The following UNC5D variants were observed in gnomAD, a reference collection of about 807,000 sequenced individuals.
UNC5D encodes unc-5 netrin receptor D.
In UNC5D, 39 loss-of-function variants were observed where a neutral mutation model predicts 105.4. The ratio of observed to expected loss-of-function variants is 0.37; its 90% CI spans 0.29 to 0.48. The LOEUF (loss-of-function observed/expected upper bound fraction) is 0.48, where lower values mean the gene tolerates loss of function less well. Ranked by LOEUF, UNC5D falls within the 20% of genes least tolerant of loss-of-function variation. The pLI is 0.98. For missense variants in UNC5D, 991 were observed against 1,202.4 expected (o/e 0.82, Z 2.60); for synonymous variants, 452 against 450.4 (o/e 1.00, Z -0.04).
intron 1 of UNC5D, among the ~76,000 whole-genome samples, chr8:35,243,396 G>A (rs1802911461): frequency 6.6e-6 from 1 of 152,114 alleles, no homozygotes; most frequent in Admixed American, 6.6e-5. Context: ...TATTTTAAAA[G>A]TCTTGGATTT....
intron 4 of UNC5D, among the ~76,000 whole-genome samples, chr8:35,658,842 A>G (rs915818925): frequency 1.8e-4 from 27 of 152,176 alleles, no homozygotes; most frequent in African/African-American, 6.3e-4. Flanking sequence ...TTTTTAGTAG[A>G]GACGGGGTTT....
At chr8:35,376,717 C>A (rs568365703) in intron 1 of UNC5D, among the ~76,000 whole-genome samples, 1 of 152,174 alleles carries the variant, frequency 6.6e-6, no homozygotes, top group East Asian at 1.9e-4. Context: ...GGAATCTATT[C>A]AAAGCCTTCT....
chr8:35,364,593 C>G (rs1369951946), intron 1 of UNC5D, among the ~76,000 whole-genome samples: 1 of 152,016 alleles, frequency 6.6e-6, no homozygotes, highest in Non-Finnish European at 1.5e-5. Flanking sequence ...TATTGGAGTA[C>G]CATTGGTTTC....
chr8:35,608,946 T>G (rs1282457115), intron 4 of UNC5D, among the ~76,000 whole-genome samples: 3 of 152,190 alleles, frequency 2.0e-5, no homozygotes, highest in Non-Finnish European at 2.9e-5. Flanking sequence ...CAGGATCTAA[T>G]GGTAATTCTG....
chr8:35,372,936 C>T (rs1802504468), intron 1 of UNC5D, among the ~76,000 whole-genome samples: 1 of 152,132 alleles, frequency 6.6e-6, no homozygotes, highest in Non-Finnish European at 1.5e-5. Context: ...ATTCATATTT[C>T]CTTTGAGCAA....
intron 3 of UNC5D, among the ~76,000 whole-genome samples, chr8:35,582,780 G>A (rs1563558219): frequency 6.6e-6 from 1 of 152,230 alleles, no homozygotes; most frequent in Non-Finnish European, 1.5e-5. Flanking sequence ...ATGAGGTGGT[G>A]AGTATTGAAA....
chr8:35,610,289 A>G (rs1373984362), intron 4 of UNC5D, among the ~76,000 whole-genome samples: 1 of 151,998 alleles, frequency 6.6e-6, no homozygotes, highest in East Asian at 1.9e-4. Flanking sequence ...TTTTCATTGG[A>G]CCAAGCCTTC....
chr8:35,592,755 G>C (rs1227818446), intron 3 of UNC5D, among the ~76,000 whole-genome samples: 2 of 152,028 alleles, frequency 1.3e-5, no homozygotes, highest in Non-Finnish European at 2.9e-5. Flanking sequence ...TCCCTAACAG[G>C]TCGGCGGCCT....
chr8:35,755,149 T>G (rs1168142150), intron 13 of UNC5D, among the ~76,000 whole-genome samples: 1 of 152,184 alleles, frequency 6.6e-6, no homozygotes, highest in East Asian at 1.9e-4. Flanking sequence ...TTGGTTATTG[T>G]CTTTTATTAC....
intron 4 of UNC5D, among the ~76,000 whole-genome samples, chr8:35,661,491 T>C (rs1563642298): frequency 6.6e-6 from 1 of 152,158 alleles, no homozygotes; most frequent in East Asian, 1.9e-4. Flanking sequence ...AAAAGAGAAA[T>C]CTACTACTTT....
At chr8:35,426,483 T>G (rs978949647) in intron 1 of UNC5D, among the ~76,000 whole-genome samples, 1 of 152,178 alleles carries the variant, frequency 6.6e-6, no homozygotes, top group African/African-American at 2.4e-5. Context: ...ATTATGAAGA[T>G]GAAACCAAGT....
At chr8:35,304,857 T>C (rs1387033952) in intron 1 of UNC5D, among the ~76,000 whole-genome samples, 1 of 152,082 alleles carries the variant, frequency 6.6e-6, no homozygotes, top group Non-Finnish European at 1.5e-5. Context: ...GTTACAGATG[T>C]GGGAGAAAAA....
chr8:35,647,985 C>T (rs927208361), intron 4 of UNC5D, among the ~76,000 whole-genome samples: 1 of 152,112 alleles, frequency 6.6e-6, no homozygotes, highest in African/African-American at 2.4e-5. Flanking sequence ...ATAGTCAGGT[C>T]ATTAATTTCT....
intron 2 of UNC5D, among the ~76,000 whole-genome samples, chr8:35,566,860 A>C (rs2130779221): frequency 6.6e-6 from 1 of 152,292 alleles, no homozygotes; most frequent in Middle Eastern, 3.4e-3. Context: ...TGCTGGATGA[A>C]GAGGACGTGC....
intron 1 of UNC5D, among the ~76,000 whole-genome samples, chr8:35,388,779 G>A (rs1803594171): frequency 6.6e-6 from 1 of 152,158 alleles, no homozygotes; most frequent in African/African-American, 2.4e-5. Context: ...CTAAATAGTT[G>A]TTATCTTTGG....
intron 7 of UNC5D, among the ~76,000 whole-genome samples, chr8:35,695,857 C>T (rs1430994075): frequency 6.6e-6 from 1 of 151,884 alleles, no homozygotes; most frequent in Admixed American, 6.6e-5. Flanking sequence ...GTCTCAGCCT[C>T]CCGAGTAGCT....
chr8:35,572,993 CG>C (rs1264110622), intron 3 of UNC5D, among the ~76,000 whole-genome samples: 1 of 151,872 alleles, frequency 6.6e-6, no homozygotes, highest in African/African-American at 2.4e-5. Context: ...TTAGTAGAGA[CG>C]GGGTTTCACC....
chr8:35,615,035 G>GCC lies in UNC5D; in HGVS notation c.570+19378_570+19379insCC, dbSNP rs1394702258. Among the ~76,000 whole-genome samples the GCC allele has an allele frequency of 5.6e-5, 3 of 53,828 alleles. 1 individual carries two copies. The highest frequency in any genetic ancestry group is 1.0e-3 in the South Asian group (1 of 960). 35.3% of individuals were successfully genotyped at this position (53,828 alleles called of 152,430 possible). A position where few individuals can be genotyped will look rare whatever the true frequency, so the allele number is the denominator to read the frequency against. ...GACCAGCCTGGGCAACATAGTGAGG[G>GCC]GCCCCCCCCCCCCCGTCCCCCACCC... On this transcript the variant is annotated intron_variant, in intron 4 of 16. Transcript: ENST00000404895.
At position 35,774,378 on chromosome 8, in the gene UNC5D, T is replaced by A; in HGVS notation, c.2558T>A (p.Ile853Asn). The A allele has an allele frequency of 6.2e-7, 1 of 1,614,066 alleles. No homozygotes were observed. The highest frequency in any genetic ancestry group is 8.5e-7 in the Non-Finnish European group (1 of 1,179,996). Residue 853 changes from isoleucine to asparagine, a missense_variant, in exon 16 of 17, where the codon ATT becomes AAT. By Grantham distance (149) the Ile-to-Asn change is moderately radical. Around this residue, in one of 3 missense-constraint regions of UNC5D, gnomAD observed 944 missense variants for 1,131.6 expected, o/e 0.83. Coordinates refer to ENST00000404895, the MANE Select transcript of UNC5D (RefSeq NM_080872.4). ...CAGACTGGCCCCAAAGCCTTCAAAA[T>A]TCCCTACTCCATCAGACAGCGGATT... ...PAQTGPKAFK[I>N]PYSIRQRICA...
Sources: gnomAD v4.1 joint callset for allele counts (sites outside exome capture counted in the v4.1 genomes callset) on GRCh38, gnomAD v4.1.1 for gene constraint, gnomAD v4.1.1 regional missense constraint, MANE v1.5 for transcripts, NCBI Gene and HGNC (gene_info 2026-07-23, HGNC 2026-07-21) for gene names.